ALDH1A2: variants seen among roughly 807,000 people sequenced by gnomAD.
ALDH1A2 encodes the protein aldehyde dehydrogenase 1 family member A2, also known as retinal dehydrogenase 2.
In ALDH1A2, 27 loss-of-function variants were observed where a neutral mutation model predicts 60.3. That is an observed-to-expected ratio of 0.45 (90% CI 0.33 to 0.62). The LOEUF is 0.62. ALDH1A2 is among the 20% of genes least tolerant of loss of function. The pLI, the probability that ALDH1A2 is intolerant of heterozygous loss-of-function variation, is 0.02. For synonymous variants in ALDH1A2, 289 were observed against 232.4 expected (o/e 1.24, Z -2.21); for missense variants, 581 against 643.8 (o/e 0.90, Z 1.06).
intron 1 of ALDH1A2, among the ~76,000 whole-genome samples, chr15:58,019,931 G>T (rs1445005165): frequency 6.6e-6 from 1 of 152,058 alleles, no homozygotes; most frequent in Non-Finnish European, 1.5e-5. Flanking sequence ...ACATCACCTA[G>T]GTTTAAGCCC....
chr15:58,031,194 C>A (rs890705355), intron 1 of ALDH1A2, among the ~76,000 whole-genome samples: 4 of 152,090 alleles, frequency 2.6e-5, no homozygotes, highest in African/African-American at 4.8e-5. Context: ...ACAACAGAGG[C>A]CTCAGAAATA....
chr15:58,058,243 A>T, intron 1 of ALDH1A2: 1 of 571,292 alleles, frequency 1.8e-6, no homozygotes, highest in East Asian at 3.1e-5. Flanking sequence ...TCAGTCTGGA[A>T]ATCTGGTATA....
At chr15:57,999,441 CTCA>C (rs1895184405) in intron 4 of ALDH1A2, among the ~76,000 whole-genome samples, 1 of 151,944 alleles carries the variant, frequency 6.6e-6, no homozygotes, top group African/African-American at 2.4e-5. Flanking sequence ...TGAAAAAAAG[CTCA>C]TCATCAATGA....
At chr15:58,048,179 G>C (rs780762927) in intron 1 of ALDH1A2, among the ~76,000 whole-genome samples, 11 of 151,928 alleles carry the variant, frequency 7.2e-5, no homozygotes, top group Admixed American at 5.2e-4. Context: ...CAAAAAAAAT[G>C]TAAAACTAAA....
Position 57,995,062 on chromosome 15 carries a change from G to A in ALDH1A2, c.555+16C>T, listed in dbSNP as rs140216186. ...TCAAATGAAAATAAATACGAGGTGC[G>A]AGGAAATACACTCACTGGGATGATC... On this transcript the variant is annotated intron_variant, in intron 5 of 12. Coordinates refer to ENST00000249750, the MANE Select transcript of ALDH1A2 (RefSeq NM_003888.4). 5.7e-5 allele frequency: 92 copies of A among 1,603,174 alleles called. No homozygotes were observed. The highest frequency in any genetic ancestry group is 4.0e-4 in the East Asian group (18 of 44,792).
At chr15:58,019,521 T>G (rs1895868603) in intron 1 of ALDH1A2, among the ~76,000 whole-genome samples, 1 of 152,210 alleles carries the variant, frequency 6.6e-6, no homozygotes, top group Non-Finnish European at 1.5e-5. Flanking sequence ...GTTTCTTCAT[T>G]TGGAAAATAT....
chr15:58,063,930 G>C (rs1280732042), intron 1 of ALDH1A2, among the ~76,000 whole-genome samples: 1 of 152,076 alleles, frequency 6.6e-6, no homozygotes, highest in African/African-American at 2.4e-5. Flanking sequence ...AGAGAGAAAA[G>C]AGAGAGGGGG....
chr15:58,034,909 G>A (rs1253147072), intron 1 of ALDH1A2, among the ~76,000 whole-genome samples: 1 of 151,642 alleles, frequency 6.6e-6, no homozygotes, highest in African/African-American at 2.4e-5. Flanking sequence ...CTATGTTCAT[G>A]AGAGGTAATA....
At chr15:58,065,147 G>C (rs951263628) in intron 1 of ALDH1A2, 5 of 288,066 alleles carry the variant, frequency 1.7e-5, no homozygotes, top group Non-Finnish European at 1.3e-5. Flanking sequence ...GAGAGGCGAC[G>C]GCCAGGCTGC....
chr15:57,999,082 C>G (rs1191897825), intron 4 of ALDH1A2, among the ~76,000 whole-genome samples: 1 of 151,846 alleles, frequency 6.6e-6, no homozygotes, highest in Non-Finnish European at 1.5e-5. Context: ...GTGCAAAACC[C>G]AAAACTATGA....
At chr15:58,020,354 A>T (rs1895893251) in intron 1 of ALDH1A2, among the ~76,000 whole-genome samples, 1 of 152,232 alleles carries the variant, frequency 6.6e-6, no homozygotes, top group African/African-American at 2.4e-5. Context: ...TGCTAGGTCA[A>T]ATGGTATTGA....
chr15:58,023,540 A>G (rs1475296619), intron 1 of ALDH1A2, among the ~76,000 whole-genome samples: 3 of 152,160 alleles, frequency 2.0e-5, no homozygotes, highest in Admixed American at 6.5e-5. Flanking sequence ...AATCCTAACA[A>G]CAGCAACAGA....
At chr15:58,002,945 A>G (rs1222613820) in intron 4 of ALDH1A2, among the ~76,000 whole-genome samples, 1 of 151,906 alleles carries the variant, frequency 6.6e-6, no homozygotes, top group East Asian at 1.9e-4. Context: ...GATAAACTCT[A>G]TAAATGCCTA....
At chr15:57,990,820 G>A (rs1198080467) in intron 7 of ALDH1A2, among the ~76,000 whole-genome samples, 1 of 144,078 alleles carries the variant, frequency 6.9e-6, no homozygotes, top group East Asian at 2.1e-4. Flanking sequence ...AGGTTGCTGT[G>A]AGACAAGATT....
intron 7 of ALDH1A2, chr15:57,980,295 T>G (rs1413953607): frequency 7.3e-6 from 3 of 411,912 alleles, no homozygotes; most frequent in African/African-American, 4.1e-5. Flanking sequence ...TGCATGTGCC[T>G]CATGTTCCCA....
intron 1 of ALDH1A2, among the ~76,000 whole-genome samples, chr15:58,063,343 C>T (rs1269504242): frequency 6.6e-6 from 1 of 152,136 alleles, no homozygotes; most frequent in African/African-American, 2.4e-5. Context: ...AGCCATTACC[C>T]TTTTAAAATC....
intron 7 of ALDH1A2, among the ~76,000 whole-genome samples, chr15:57,980,897 G>A (rs1470461700): frequency 6.6e-6 from 1 of 152,284 alleles, no homozygotes; most frequent in South Asian, 2.1e-4. Flanking sequence ...GAATTCAGCT[G>A]TGAATCCGTC....
chr15:58,006,859 TAAAAAA>T (rs35453203), intron 4 of ALDH1A2, among the ~76,000 whole-genome samples: 1 of 139,874 alleles, frequency 7.1e-6, no homozygotes, highest in Non-Finnish European at 1.5e-5. Flanking sequence ...CTCATATTGT[TAAAAAA>T]AAAAAAAAAA....
At chr15:57,977,041 C>T (rs779848623) in intron 7 of ALDH1A2, among the ~76,000 whole-genome samples, 6 of 150,580 alleles carry the variant, frequency 4.0e-5, no homozygotes, top group Admixed American at 6.6e-5. Context: ...TCATGTTTAA[C>T]GGCCACGTCT....
Sources: allele counts gnomAD v4.1 joint callset (sites outside exome capture counted in the v4.1 genomes callset), GRCh38; gene constraint gnomAD v4.1.1; transcripts MANE v1.5; gene names NCBI Gene and HGNC (gene_info 2026-07-23, HGNC 2026-07-21).